Variants in RAPGEF2 observed in about 807,000 individuals in gnomAD.
RAPGEF2 encodes Rap guanine nucleotide exchange factor 2.
A neutral mutation model predicts 186.7 loss-of-function variants in RAPGEF2; 54 were observed. That is an observed-to-expected ratio of 0.29 (90% CI 0.23 to 0.36). The LOEUF (loss-of-function observed/expected upper bound fraction) is 0.36, where lower values mean the gene tolerates loss of function less well. Ranked by LOEUF, RAPGEF2 falls within the 10% of genes least tolerant of loss-of-function variation. The pLI is 1.00. For missense variants in RAPGEF2, 1,532 were observed against 2,045.0 expected (o/e 0.75, Z 4.84); for synonymous variants, 712 against 705.9 (o/e 1.01, Z -0.14).
At chr4:159,216,941 A>C (rs115602451) in intron 4 of RAPGEF2, among the ~76,000 whole-genome samples, 52 of 152,232 alleles carry the variant, frequency 3.4e-4, no homozygotes, top group African/African-American at 1.2e-3. Context: ...GAGAGGCTGA[A>C]ATACTATTCT....
chr4:159,292,492 A>G (rs1761368770), intron 7 of RAPGEF2, among the ~76,000 whole-genome samples: 1 of 152,050 alleles, frequency 6.6e-6, no homozygotes, highest in Non-Finnish European at 1.5e-5. Flanking sequence ...TATTTTTTTG[A>G]TGGGCTTCCC....
intron 7 of RAPGEF2, among the ~76,000 whole-genome samples, chr4:159,247,192 A>T (rs937506354): frequency 1.9e-4 from 29 of 152,118 alleles, no homozygotes; most frequent in Non-Finnish European, 2.9e-4. Context: ...CAATATTTTC[A>T]TTTATATATT....
At chr4:159,321,860 AATTG>A (rs151151048) in intron 9 of RAPGEF2, among the ~76,000 whole-genome samples, 2,912 of 152,078 alleles carry the variant, frequency 0.019, 114 homozygotes, top group African/African-American at 0.066. Flanking sequence ...TTAATTTTTT[AATTG>A]ATCTTTTTTA....
At chr4:159,109,755 G>T (rs771849946) in intron 1 of RAPGEF2, among the ~76,000 whole-genome samples, 11 of 152,214 alleles carry the variant, frequency 7.2e-5, no homozygotes, top group Non-Finnish European at 1.2e-4. Flanking sequence ...TCACCTACCA[G>T]TGAACTAGTG....
At chr4:159,248,567 CTG>C (rs1443101965) in intron 7 of RAPGEF2, among the ~76,000 whole-genome samples, 2 of 152,120 alleles carry the variant, frequency 1.3e-5, no homozygotes, top group African/African-American at 4.8e-5. Flanking sequence ...CAATACTGTG[CTG>C]TGTGTGCTGC....
chr4:159,358,998 A>AC lies in RAPGEF2; in HGVS notation c.*860dup, dbSNP rs954732757. The stretch of plus-strand genomic sequence containing the variant: ...TGTTTGCACATGGCCAGGGGAGGGA[A>AC]CTAGGACCCTTGTGTCCTGTCTGAG... On this transcript the variant is annotated 3_prime_UTR_variant, in exon 30 of 30. Transcript: ENST00000691494. 2 of 152,372 alleles carry AC rather than the reference A, an allele frequency of 1.3e-5. No individual in the cohort carries two copies. Among genetic ancestry groups the AC allele is most frequent in the African/African-American group, 2.4e-5 (1 of 41,564 alleles). The allele number at this position is 152,372 out of a possible 1,614,324, so 9.4% of individuals were successfully genotyped here.
At chr4:159,292,196 C>T (rs185435929) in intron 7 of RAPGEF2, among the ~76,000 whole-genome samples, 3 of 152,236 alleles carry the variant, frequency 2.0e-5, no homozygotes, top group East Asian at 1.9e-4. Context: ...TACCATAGCT[C>T]CCCACGTGAT....
Position 159,329,120 on chromosome 4 carries a change from G to A in RAPGEF2, c.1150-738G>A, listed in dbSNP as rs531897355. ...GACCTCTAGTTAATTTCTATAATAA[G>A]TGATTTCTATCATTCATTCTTAACT... On this transcript the variant is annotated intron_variant, in intron 11 of 29. Coordinates refer to ENST00000691494, the MANE Select transcript of RAPGEF2 (RefSeq NM_001394067.2). The A allele has an allele frequency of 2.0e-5, 3 of 152,096 alleles. No homozygotes were observed. In the East Asian group the frequency reaches 5.8e-4, roughly 29 times the overall value. The allele number at this position is 152,096 out of a possible 1,614,324, so 9.4% of individuals were successfully genotyped here.
intron 15 of RAPGEF2, 33 bp downstream of exon 15, chr4:159,331,866 T>C: frequency 6.2e-7 from 1 of 1,600,790 alleles, no homozygotes; most frequent in Non-Finnish European, 8.5e-7. Context: ...TAAGGGTGAA[T>C]TTTGGTGTCT....
chr4:159,150,397 C>CTA (rs1743413983), intron 1 of RAPGEF2, among the ~76,000 whole-genome samples: 1 of 152,118 alleles, frequency 6.6e-6, no homozygotes, highest in Admixed American at 6.5e-5. Context: ...GCCAGGAGCA[C>CTA]TATAACTCAT....
intron 4 of RAPGEF2, among the ~76,000 whole-genome samples, chr4:159,233,578 T>C (rs1752882708): frequency 6.6e-6 from 1 of 151,850 alleles, no homozygotes; most frequent in African/African-American, 2.4e-5. Context: ...TCTGTGAGGA[T>C]ACAGAGGCAT....
At chr4:159,181,250 A>G (rs1480250557) in intron 1 of RAPGEF2, among the ~76,000 whole-genome samples, 1 of 152,202 alleles carries the variant, frequency 6.6e-6, no homozygotes, top group African/African-American at 2.4e-5. Flanking sequence ...TTAAGGCCTT[A>G]AGGCCGTTCT....
intron 9 of RAPGEF2, among the ~76,000 whole-genome samples, chr4:159,320,280 G>A (rs1298581308): frequency 6.6e-6 from 1 of 152,068 alleles, no homozygotes; most frequent in Non-Finnish European, 1.5e-5. Context: ...AATGATTCCT[G>A]CCTCCCATAT....
intron 24 of RAPGEF2, among the ~76,000 whole-genome samples, chr4:159,346,255 C>T (rs1440329418): frequency 1.3e-5 from 2 of 152,176 alleles, no homozygotes; most frequent in Non-Finnish European, 2.9e-5. Flanking sequence ...TTATCTACCA[C>T]AAAATATATA....
chr4:159,188,856 A>T (rs545635735), intron 2 of RAPGEF2, among the ~76,000 whole-genome samples: 56 of 152,146 alleles, frequency 3.7e-4, no homozygotes, highest in Non-Finnish European at 7.5e-4. Context: ...GCCTACACAG[A>T]TGTGTTTGTT....
chr4:159,218,188 T>G (rs1751162480), intron 4 of RAPGEF2, among the ~76,000 whole-genome samples: 1 of 152,220 alleles, frequency 6.6e-6, no homozygotes, highest in Admixed American at 6.5e-5. Flanking sequence ...TTCTGGAAGT[T>G]GTGTATTCAC....
At position 159,346,891 on chromosome 4, in the gene RAPGEF2, A is replaced by G; in HGVS notation, c.3605A>G (p.Gln1202Arg). The G allele has an allele frequency of 6.2e-7, 1 of 1,614,156 alleles. No homozygotes were observed. Among genetic ancestry groups the G allele is most frequent in the Non-Finnish European group, 8.5e-7 (1 of 1,180,006 alleles). The change falls in exon 25 of 30, where the codon CAG becomes CGG. Residue 1202 changes from glutamine (Q) to arginine (R), a missense_variant. Coordinates refer to ENST00000691494, the MANE Select transcript of RAPGEF2 (RefSeq NM_001394067.2). ...AAAGCTCAGTCCCTGCCACAGCCCC[A>G]GCAGCAGCCACCACCAGCACATAAA... ...QQKAQSLPQP[Q>R]QQPPPAHKIN...
chr4:159,355,650 A>C (rs188550623), intron 28 of RAPGEF2, among the ~76,000 whole-genome samples: 2 of 152,282 alleles, frequency 1.3e-5, no homozygotes, highest in Admixed American at 1.3e-4. Flanking sequence ...TTATTTCACC[A>C]CACAAAGATA....
rs536324137 is a variant in RAPGEF2, at chr4:159,275,808, T to C, written c.544-28534T>C. ...ATAAAGGAAGACAATAAAACATGAATGTGAAAAAGCTGAAGAGTTGTAATT... is the reference window on the plus strand; with the variant it reads ...ATAAAGGAAGACAATAAAACATGAACGTGAAAAAGCTGAAGAGTTGTAATT... On this transcript the variant is annotated intron_variant, in intron 7 of 29. Transcript: ENST00000691494. Among the ~76,000 whole-genome samples, 12 of 152,132 alleles carry C rather than the reference T, an allele frequency of 7.9e-5. No homozygotes were observed. In the East Asian group the frequency reaches 2.1e-3, roughly 27 times the overall value.
Sources: allele counts gnomAD v4.1 joint callset (sites outside exome capture counted in the v4.1 genomes callset), GRCh38; gene constraint gnomAD v4.1.1; transcripts MANE v1.5; gene names NCBI Gene and HGNC (gene_info 2026-07-23, HGNC 2026-07-21).